The following RCOR1 variants were observed in gnomAD, a reference collection of about 807,000 sequenced individuals.
RCOR1 encodes the protein REST corepressor.
RCOR1 carries 12 observed loss-of-function variants against 64.0 expected under a neutral mutation model. The observed-to-expected ratio is 0.19, with a 90% CI of 0.12 to 0.30. The LOEUF is 0.30. RCOR1 is among the 10% of genes least tolerant of loss of function. The pLI, the probability that RCOR1 is intolerant of heterozygous loss-of-function variation, is 1.00. For missense variants in RCOR1, 502 were observed against 621.2 expected, an observed-to-expected ratio of 0.81 and a Z score of 2.04; for synonymous variants, 279 against 227.2, an observed-to-expected ratio of 1.23 and a Z score of -2.05.
At chr14:102,708,712 T>C (rs1895905294) in intron 6 of RCOR1, 129 bp downstream of exon 6, 2 of 610,726 alleles carry the variant, frequency 3.3e-6, no homozygotes, top group Non-Finnish European at 5.9e-6. Context: ...GTTCATGAGA[T>C]GTATTAGAGC....
At chr14:102,611,228 C>T (rs1893626619) in intron 2 of RCOR1, among the ~76,000 whole-genome samples, 1 of 152,102 alleles carries the variant, frequency 6.6e-6, no homozygotes, top group African/African-American at 2.4e-5. Context: ...CTCACCACCA[C>T]GCCTGGCTAA....
chr14:102,645,866 G>A (rs1894468863), intron 2 of RCOR1, among the ~76,000 whole-genome samples: 2 of 152,160 alleles, frequency 1.3e-5, no homozygotes, highest in Admixed American at 6.6e-5. Flanking sequence ...GGAGAGGGCC[G>A]AGCTGAGCCG....
chr14:102,694,229 T>C (rs1336590342), intron 3 of RCOR1, among the ~76,000 whole-genome samples: 1 of 152,164 alleles, frequency 6.6e-6, no homozygotes, highest in African/African-American at 2.4e-5. Flanking sequence ...AAGTGGGATT[T>C]TAACAAACTC....
intron 11 of RCOR1, among the ~76,000 whole-genome samples, chr14:102,722,752 G>C (rs943315719): frequency 1.1e-4 from 17 of 152,234 alleles, no homozygotes; most frequent in African/African-American, 4.1e-4. Context: ...TAAAAATGCA[G>C]TGAAAGCTGT....
intron 2 of RCOR1, among the ~76,000 whole-genome samples, chr14:102,676,647 T>A: frequency 1.2e-5 from 1 of 84,548 alleles, no homozygotes; most frequent in Non-Finnish European, 2.3e-5. Context: ...TCCCCCCACC[T>A]CCCTCCCGGA....
At chr14:102,609,071 C>T (rs186556991) in intron 2 of RCOR1, among the ~76,000 whole-genome samples, 2,304 of 129,910 alleles carry the variant, frequency 0.018, 60 homozygotes, top group African/African-American at 0.063. Context: ...TTGAGACAGG[C>T]TCTTGCTCTG....
intron 2 of RCOR1, among the ~76,000 whole-genome samples, chr14:102,629,611 G>A (rs1318732487): frequency 6.6e-6 from 1 of 152,062 alleles, no homozygotes; most frequent in East Asian, 1.9e-4. Context: ...TAGGTGTCTG[G>A]CCTGGAACTC....
At chr14:102,616,374 A>G (rs978827505) in intron 2 of RCOR1, among the ~76,000 whole-genome samples, 2 of 151,984 alleles carry the variant, frequency 1.3e-5, no homozygotes, top group East Asian at 1.9e-4. Context: ...GACTCAGGCT[A>G]TCCTCCCATC....
intron 3 of RCOR1, among the ~76,000 whole-genome samples, chr14:102,690,845 G>T (rs1175848624): frequency 6.6e-6 from 1 of 152,164 alleles, no homozygotes; most frequent in African/African-American, 2.4e-5. Context: ...TGGTATGTGT[G>T]TTCAGTTCTC....
intron 2 of RCOR1, among the ~76,000 whole-genome samples, chr14:102,652,030 AT>A (rs2139930339): frequency 6.6e-6 from 1 of 152,234 alleles, no homozygotes; most frequent in African/African-American, 2.4e-5. Context: ...GGAATGTTTT[AT>A]TTTTGTTTAT....
rs1040703628 is a variant in RCOR1 at position 102,726,633 on chromosome 14, A to G, written c.*127A>G. The G allele has an allele frequency of 1.2e-5, 9 of 773,158 alleles. No homozygotes were observed. The highest frequency in any genetic ancestry group is 8.8e-5 in the African/African-American group (5 of 57,084). 47.9% of individuals were successfully genotyped at this position (773,158 alleles called of 1,614,324 possible). ...AAGCAGCTATTACCAAAAAAGGCAT[A>G]TACTTCCAGTCCTGTGCTCCATCTG... is the stretch of plus-strand genomic sequence containing the variant. On this transcript the variant is annotated 3_prime_UTR_variant, in exon 12 of 12. Transcript: ENST00000262241.
chr14:102,706,452 T>G (rs1895862843), intron 4 of RCOR1, among the ~76,000 whole-genome samples: 1 of 152,072 alleles, frequency 6.6e-6, no homozygotes, highest in Admixed American at 6.6e-5. Context: ...GACTTTAAAT[T>G]TAAACAGGTT....
chr14:102,619,017 A>T (rs1893818751), intron 2 of RCOR1, among the ~76,000 whole-genome samples: 2 of 152,134 alleles, frequency 1.3e-5, no homozygotes, highest in African/African-American at 4.8e-5. Flanking sequence ...TAGGGAGGTG[A>T]TTGGTAAAGT....
At chr14:102,723,516 T>C (rs1212565003) in intron 11 of RCOR1, among the ~76,000 whole-genome samples, 1 of 152,254 alleles carries the variant, frequency 6.6e-6, no homozygotes, top group Non-Finnish European at 1.5e-5. Context: ...AAAATCTTTA[T>C]AATAAGTGTA....
chr14:102,595,310 T>G (rs1435499096), intron 2 of RCOR1, among the ~76,000 whole-genome samples: 1 of 152,140 alleles, frequency 6.6e-6, no homozygotes, highest in Non-Finnish European at 1.5e-5. Context: ...GAGACCAGCC[T>G]GGGCAATGTA....
At chr14:102,639,497 T>A (rs371250764) in intron 2 of RCOR1, among the ~76,000 whole-genome samples, 35 of 135,400 alleles carry the variant, frequency 2.6e-4, no homozygotes, top group East Asian at 1.1e-3. Context: ...ATTTTTTAAT[T>A]TTTATTTATT....
At chr14:102,662,925 C>T (rs1351614631) in intron 2 of RCOR1, among the ~76,000 whole-genome samples, 1 of 152,094 alleles carries the variant, frequency 6.6e-6, no homozygotes, top group Non-Finnish European at 1.5e-5. Flanking sequence ...TGCCAAACTA[C>T]CCTTCAGAAA....
At chr14:102,670,832 G>A (rs1296214656) in intron 2 of RCOR1, among the ~76,000 whole-genome samples, 1 of 150,508 alleles carries the variant, frequency 6.6e-6, no homozygotes, top group African/African-American at 2.4e-5. Flanking sequence ...GGAGTGCAGC[G>A]GTGTTGTCTC....
intron 11 of RCOR1, among the ~76,000 whole-genome samples, chr14:102,725,671 G>A (rs970845682): frequency 1.2e-4 from 18 of 152,074 alleles, no homozygotes; most frequent in Admixed American, 6.5e-5. Flanking sequence ...TCCATCTCCC[G>A]AGCTCTTGAT....
Sources: gnomAD v4.1 joint callset for allele counts (sites outside exome capture counted in the v4.1 genomes callset) on GRCh38, gnomAD v4.1.1 for gene constraint, MANE v1.5 for transcripts, NCBI Gene and HGNC (gene_info 2026-07-23, HGNC 2026-07-21) for gene names.